ASXL3: variants seen among roughly 807,000 people sequenced by gnomAD.
ASXL3 encodes ASXL transcriptional regulator 3.
In ASXL3, 34 loss-of-function variants were observed where a neutral mutation model predicts 170.6. The ratio of observed to expected loss-of-function variants is 0.20; its 90% confidence interval spans 0.15 to 0.27. The LOEUF is 0.27. Ranked by LOEUF, ASXL3 falls within the 10% of genes least tolerant of loss-of-function variation. ASXL3 has a pLI of 1.00. For missense variants in ASXL3, 2,592 were observed against 2,695.3 expected (o/e 0.96, Z 0.85); for synonymous variants, 1,002 against 989.1 (o/e 1.01, Z -0.24).
At chr18:33,701,275 G>A (rs181267716) in intron 8 of ASXL3, among the ~76,000 whole-genome samples, 2 of 151,872 alleles carry the variant, frequency 1.3e-5, no homozygotes, top group East Asian at 3.9e-4. Context: ...TCTATTCTGG[G>A]TCCCTGAATT....
chr18:33,608,155 C>G (rs949066573), intron 2 of ASXL3, among the ~76,000 whole-genome samples: 5 of 151,886 alleles, frequency 3.3e-5, no homozygotes, highest in Non-Finnish European at 5.9e-5. Context: ...TAATATTTAT[C>G]CTTTTAAAAT....
intron 8 of ASXL3, among the ~76,000 whole-genome samples, chr18:33,725,868 A>G (rs1050112628): frequency 6.6e-6 from 1 of 152,130 alleles, no homozygotes; most frequent in Non-Finnish European, 1.5e-5. Flanking sequence ...ACTCAGTGCC[A>G]TCAATTCTGG....
In ASXL3 at chr18:33,738,626, A is replaced by G. The variant is rs1455203924; in HGVS notation, c.1222A>G (p.Met408Val). 2 of 1,613,958 alleles carry G rather than the reference A, an allele frequency of 1.2e-6. No individual in the cohort carries two copies. The highest frequency in any genetic ancestry group is 2.2e-5 in the South Asian group (2 of 91,082). ...TALAEQQPKS[M>V]KSPASPEPGF... ...CTTGGCAGAACAACAGCCAAAAAGC[A>G]TGAAAAGCCCAGCTTCTCCAGAGCC... The change falls in exon 11 of 12, where the codon ATG becomes GTG. Residue 408 changes from methionine (M) to valine (V), a missense_variant. By Grantham distance (21) the Met-to-Val change is conservative. Around this residue, in one of 4 missense-constraint regions of ASXL3, gnomAD observed 2,246 missense variants for 2,219.6 expected, o/e 1.01. Coordinates refer to ENST00000269197, the MANE Select transcript of ASXL3 (RefSeq NM_030632.3).
chr18:33,718,956 T>C (rs965563350), intron 8 of ASXL3, among the ~76,000 whole-genome samples: 4 of 152,034 alleles, frequency 2.6e-5, no homozygotes, highest in Non-Finnish European at 5.9e-5. Flanking sequence ...TCTCAGCTTG[T>C]TGAGAACTTT....
chr18:33,732,435 C>T (rs62091160), intron 9 of ASXL3, among the ~76,000 whole-genome samples: 5,628 of 152,224 alleles, frequency 0.037, 122 homozygotes, highest in Non-Finnish European at 0.043. Flanking sequence ...CCTTATCCTT[C>T]CTTTAATCAC....
chr18:33,646,538 C>A (rs748601282), intron 4 of ASXL3, among the ~76,000 whole-genome samples, 185 bp downstream of exon 4: 6 of 151,924 alleles, frequency 3.9e-5, no homozygotes, highest in Non-Finnish European at 5.9e-5. Context: ...GTATATAGTT[C>A]TTTGCTTTTG....
rs925023203 is a variant in ASXL3, at chr18:33,607,768, G to A, written c.137+92G>A. On this transcript the variant is annotated intron_variant, in intron 2 of 11. Transcript: ENST00000269197. ...ATAGGTGTATCTAGATTTTGATATT[G>A]TAGTTGATTGTGAATTAACTCCCCA... is the stretch of plus-strand genomic sequence containing the variant. The A allele has an allele frequency of 2.6e-4, 246 of 941,622 alleles. 1 individual carries two copies. The highest frequency in any genetic ancestry group is 2.7e-4 in the Admixed American group (10 of 36,500). The allele number at this position is 941,622 out of a possible 1,614,324, so 58.3% of individuals were successfully genotyped here.
At position 33,745,947 on chromosome 18, in the gene ASXL3, G is replaced by A. The variant is rs751632519; in HGVS notation, c.6099G>A (p.Pro2033=). 4.5e-5 allele frequency: 16 copies of A among 352,098 alleles called. No homozygotes were observed. The highest frequency in any genetic ancestry group is 1.1e-4 in the South Asian group (3 of 26,612). The allele number at this position is 352,098 out of a possible 1,614,324, so 21.8% of individuals were successfully genotyped here. The change falls in exon 12 of 12, where the codon CCG becomes CCA. Residue 2033 remains proline, a synonymous_variant. Transcript: ENST00000269197. The part of the protein sequence containing the change: ...PPPPPPLALP[P]PPPPPPPLPP... ...CCCCTCCACCCTTGGCTTTGCCCCC[G>A]CCTCCCCCCCCACCACCTCCGCTAC...
chr18:33,579,646 C>T (rs1394120535), intron 1 of ASXL3, among the ~76,000 whole-genome samples: 2 of 151,946 alleles, frequency 1.3e-5, no homozygotes, highest in East Asian at 1.9e-4. Context: ...TAAAGGACAG[C>T]TGTAAAAGGA....
At chr18:33,730,215 C>A (rs766597222) in intron 8 of ASXL3, among the ~76,000 whole-genome samples, 1 of 151,996 alleles carries the variant, frequency 6.6e-6, no homozygotes, top group Non-Finnish European at 1.5e-5. Context: ...TGCCAAACAT[C>A]CGACATTACA....
At chr18:33,699,921 G>A (rs8087531) in intron 8 of ASXL3, among the ~76,000 whole-genome samples, 5,067 of 151,312 alleles carry the variant, frequency 0.033, 279 homozygotes, top group African/African-American at 0.12. Flanking sequence ...TAAATATATC[G>A]CTTATAAGAA....
intron 8 of ASXL3, among the ~76,000 whole-genome samples, chr18:33,697,615 TC>T (rs918916179): frequency 6.6e-6 from 1 of 152,104 alleles, no homozygotes; most frequent in Non-Finnish European, 1.5e-5. Context: ...CAAGCACTGT[TC>T]CTGGCCCTGT....
At chr18:33,658,217 A>G (rs2066113272) in intron 4 of ASXL3, among the ~76,000 whole-genome samples, 1 of 152,130 alleles carries the variant, frequency 6.6e-6, no homozygotes, top group Non-Finnish European at 1.5e-5. Context: ...CTTGTATTTC[A>G]GAGGCCAAAG....
At chr18:33,662,214 A>G (rs1749345174) in intron 5 of ASXL3, among the ~76,000 whole-genome samples, 1 of 152,162 alleles carries the variant, frequency 6.6e-6, no homozygotes, top group Non-Finnish European at 1.5e-5. Context: ...TTGGTGCTGA[A>G]TGGCAGTTAA....
Position 33,740,414 on chromosome 18 carries a change from A to G in ASXL3, c.3010A>G (p.Arg1004Gly). Residue 1004 changes from arginine (R) to glycine (G), a missense_variant, in exon 11 of 12, where the codon AGA becomes GGA. This residue lies in a region of ASXL3 where 2,246 missense variants were observed against 2,219.6 expected (regional missense o/e 1.01). Coordinates refer to ENST00000269197, the MANE Select transcript of ASXL3 (RefSeq NM_030632.3). Reference protein sequence around the residue: ...SSPPEKEQPPREEPRVPPLKI... With the variant: ...SSPPEKEQPPGEEPRVPPLKI... Reference sequence around the variant, plus strand: ...CCCACCTGAGAAAGAACAGCCTCCCAGAGAGGAACCAAGGGTTCCCCCTCT... The same window carrying G: ...CCCACCTGAGAAAGAACAGCCTCCCGGAGAGGAACCAAGGGTTCCCCCTCT... 6.3e-7 allele frequency: 1 copy of G among 1,590,872 alleles called. No individual in the cohort carries two copies. The highest frequency in any genetic ancestry group is 1.1e-5 in the South Asian group (1 of 87,274).
chr18:33,620,352 G>T (rs188380726), intron 2 of ASXL3, among the ~76,000 whole-genome samples: 1 of 152,174 alleles, frequency 6.6e-6, no homozygotes, highest in African/African-American at 2.4e-5. Context: ...ACAGATTGTT[G>T]TCAGTGAGGT....
intron 4 of ASXL3, among the ~76,000 whole-genome samples, chr18:33,658,472 A>G (rs1291104012): frequency 1.3e-5 from 2 of 152,164 alleles, no homozygotes; most frequent in South Asian, 2.1e-4. Context: ...ATGCCCATGA[A>G]AAAAGGTCTG....
chr18:33,734,781 TCA>T (rs2067516639), intron 10 of ASXL3, among the ~76,000 whole-genome samples: 1 of 152,180 alleles, frequency 6.6e-6, no homozygotes, highest in Non-Finnish European at 1.5e-5. Context: ...TATTTAATTC[TCA>T]CACTTTTCTA....
In ASXL3 at chr18:33,746,171, T is replaced by C. The variant is rs760825608; in HGVS notation, c.6323T>C (p.Met2108Thr). 3 of 1,613,546 alleles carry C rather than the reference T, an allele frequency of 1.9e-6. No individual in the cohort carries two copies. In the Admixed American group the frequency reaches 5.0e-5, roughly 27 times the overall value. Reference sequence around the variant, plus strand: ...CAAGTTTCCTATGACCAGAATGAAATGAAAGAACAGTTAAAAGCATTCGCG... The same window carrying C: ...CAAGTTTCCTATGACCAGAATGAAACGAAAGAACAGTTAAAAGCATTCGCG... ...MKQVSYDQNE[M>T]KEQLKAFALK... Residue 2108 changes from methionine to threonine, a missense_variant, in exon 12 of 12, where the codon ATG becomes ACG. Transcript: ENST00000269197.
Sources: gnomAD v4.1 joint callset for allele counts (sites outside exome capture counted in the v4.1 genomes callset) on GRCh38, gnomAD v4.1.1 for gene constraint, gnomAD v4.1.1 regional missense constraint, MANE v1.5 for transcripts, NCBI Gene and HGNC (gene_info 2026-07-23, HGNC 2026-07-21) for gene names.